PPP2R2B: variants seen among roughly 807,000 people sequenced by gnomAD.
PPP2R2B encodes protein phosphatase 2 regulatory subunit Bbeta, also known as serine/threonine-protein phosphatase 2A 55 kDa regulatory subunit B beta isoform.
Under a neutral mutation model 46.0 loss-of-function variants are expected in PPP2R2B, and 5 were observed. The observed-to-expected ratio is 0.11, with a 90% CI of 0.06 to 0.23. The LOEUF is 0.23. Ranked by LOEUF, PPP2R2B falls within the 10% of genes least tolerant of loss-of-function variation. The pLI, the probability that PPP2R2B is intolerant of heterozygous loss-of-function variation, is 1.00. For missense variants in PPP2R2B, 367 were observed against 575.0 expected, an observed-to-expected ratio of 0.64 and a Z score of 3.70; for synonymous variants, 215 against 206.7, an observed-to-expected ratio of 1.04 and a Z score of -0.34.
intron 2 of PPP2R2B, among the ~76,000 whole-genome samples, chr5:146,825,128 A>G (rs764302101): frequency 6.6e-6 from 1 of 152,244 alleles, no homozygotes; most frequent in Admixed American, 6.5e-5. Flanking sequence ...CGTTCCTCAC[A>G]TTACAAGGTC....
At chr5:146,710,980 A>G (rs1003574850) in intron 2 of PPP2R2B, among the ~76,000 whole-genome samples, 1 of 152,236 alleles carries the variant, frequency 6.6e-6, no homozygotes, top group Non-Finnish European at 1.5e-5. Flanking sequence ...TGGCTCAGGT[A>G]TCACTTCCTT....
chr5:146,698,196 T>C (rs777987801), intron 3 of PPP2R2B, 52 bp from the exon 4 acceptor site: 1 of 1,459,538 alleles, frequency 6.9e-7, no homozygotes, highest in Admixed American at 2.4e-5. Flanking sequence ...TAGCCAACTG[T>C]AAAACTCGCC....
chr5:147,029,685 C>T (rs1755687894), intron 1 of PPP2R2B, among the ~76,000 whole-genome samples: 1 of 152,028 alleles, frequency 6.6e-6, no homozygotes, highest in Non-Finnish European at 1.5e-5. Flanking sequence ...AAAGTGAGGT[C>T]CTGATGCAAT....
intron 5 of PPP2R2B, among the ~76,000 whole-genome samples, chr5:146,665,292 A>T (rs563565756): frequency 6.6e-6 from 1 of 152,314 alleles, no homozygotes; most frequent in Admixed American, 6.5e-5. Flanking sequence ...ACCGCCACCC[A>T]TGATCTTAGC....
rs374763186 is a variant in PPP2R2B at position 146,735,668 on chromosome 5, T to C, written c.71-34526A>G. 1.3e-4 allele frequency among the ~76,000 whole-genome samples: 20 copies of C among 152,006 alleles called. 1 individual carries two copies. Among genetic ancestry groups the C allele is most frequent in the Admixed American group, 3.3e-4 (5 of 15,272 alleles). On this transcript the variant is annotated intron_variant, in intron 2 of 9. Coordinates refer to ENST00000394411, the MANE Select transcript of PPP2R2B (RefSeq NM_181675.4). ...GGACGTTGCTGGAATGGCTATGGAG[T>C]GGCCTGAGGGTAGAGTCAACGCTGA... is the stretch of plus-strand genomic sequence containing the variant.
chr5:146,826,247 A>G (rs1243901401), intron 2 of PPP2R2B, among the ~76,000 whole-genome samples: 1 of 152,196 alleles, frequency 6.6e-6, no homozygotes, highest in African/African-American at 2.4e-5. Flanking sequence ...TGGCAGAGAC[A>G]AAACTTGACA....
intron 2 of PPP2R2B, among the ~76,000 whole-genome samples, chr5:146,824,558 A>G (rs550865431): frequency 1.3e-5 from 2 of 152,292 alleles, no homozygotes; most frequent in African/African-American, 2.4e-5. Flanking sequence ...GGGGGAAAGC[A>G]TTGGGTAAGA....
rs892634407 is a variant in PPP2R2B at position 146,582,786 on chromosome 5, G to C, written c.*7161C>G. ...TGCAGTCCTCATGGAACTAAGGGTG[G>C]TTGAGAAAGCATCTCTGAGGAGGTG... On this transcript the variant is annotated 3_prime_UTR_variant, in exon 10 of 10. Coordinates refer to ENST00000394411, the MANE Select transcript of PPP2R2B (RefSeq NM_181675.4). The C allele has an allele frequency of 2.6e-5, 4 of 152,206 alleles. No homozygotes were observed. Among genetic ancestry groups the C allele is most frequent in the African/African-American group, 9.6e-5 (4 of 41,462 alleles). 9.4% of individuals were successfully genotyped at this position (152,206 alleles called of 1,614,324 possible). A position where few individuals can be genotyped will look rare whatever the true frequency, so the allele number is the denominator to read the frequency against.
In PPP2R2B at chr5:147,019,332, G is replaced by T. The variant is rs1755152120; in HGVS notation, c.79+36333C>A. 1.3e-5 allele frequency among the ~76,000 whole-genome samples: 2 copies of T among 152,152 alleles called. 1 individual carries two copies. Among genetic ancestry groups the T allele is most frequent in the South Asian group, 4.1e-4 (2 of 4,832 alleles). On this transcript the variant is annotated intron_variant, in intron 1 of 8. Coordinates refer to the PPP2R2B transcript ENST00000336640. ...AAGAAAAGCAAATTAAAATAGAAAA[G>T]ATTCAGAATAAATTGTTACTTGGAA...
At chr5:146,734,048 T>C (rs1244054694) in intron 2 of PPP2R2B, among the ~76,000 whole-genome samples, 1 of 145,162 alleles carries the variant, frequency 6.9e-6, no homozygotes, top group Non-Finnish European at 1.5e-5. Flanking sequence ...GAAGATAAAA[T>C]GAGTTAGGTT....
chr5:146,884,243 G>T (rs1441707303), intron 1 of PPP2R2B, among the ~76,000 whole-genome samples: 1 of 151,898 alleles, frequency 6.6e-6, no homozygotes, highest in East Asian at 1.9e-4. Flanking sequence ...CCCAAGTTAT[G>T]TCAGTTCCAG....
chr5:146,976,108 T>A (rs533278268), intron 1 of PPP2R2B, among the ~76,000 whole-genome samples: 1,350 of 130,700 alleles, frequency 0.01, 53 homozygotes, highest in African/African-American at 0.035. Flanking sequence ...TTTTAAAAAA[T>A]TTATTATTAT....
chr5:146,789,628 T>C (rs1756062912), intron 2 of PPP2R2B, among the ~76,000 whole-genome samples: 2 of 152,102 alleles, frequency 1.3e-5, no homozygotes, highest in Admixed American at 1.3e-4. Flanking sequence ...GCATGGTCCC[T>C]GCCCTCAAGG....
At chr5:146,642,979 C>A (rs1775316181) in intron 6 of PPP2R2B, among the ~76,000 whole-genome samples, 1 of 152,150 alleles carries the variant, frequency 6.6e-6, no homozygotes, top group Non-Finnish European at 1.5e-5. Context: ...ATTGATTGAG[C>A]CTGGGAGGTT....
chr5:146,886,061 G>A (rs559104898), intron 1 of PPP2R2B, among the ~76,000 whole-genome samples: 58 of 152,282 alleles, frequency 3.8e-4, no homozygotes, highest in African/African-American at 1.3e-3. Context: ...AGGGGCGGCC[G>A]GGCGCGGTGG....
At chr5:146,632,608 G>A (rs746635064) in intron 7 of PPP2R2B, among the ~76,000 whole-genome samples, 1 of 152,162 alleles carries the variant, frequency 6.6e-6, no homozygotes, top group Non-Finnish European at 1.5e-5. Flanking sequence ...CAAGACAGAG[G>A]CTAAGTAAAG....
At chr5:146,944,315 A>G (rs1226594091) in intron 1 of PPP2R2B, among the ~76,000 whole-genome samples, 1 of 152,174 alleles carries the variant, frequency 6.6e-6, no homozygotes, top group Non-Finnish European at 1.5e-5. Context: ...ATTGAAGGGA[A>G]GAGATTGAAA....
chr5:146,800,248 G>A (rs1330941954), intron 2 of PPP2R2B, among the ~76,000 whole-genome samples: 1 of 151,990 alleles, frequency 6.6e-6, no homozygotes, highest in Non-Finnish European at 1.5e-5. Context: ...TTACTGACTT[G>A]TACTGATTAC....
intron 6 of PPP2R2B, among the ~76,000 whole-genome samples, chr5:146,639,212 C>T (rs1775033858): frequency 6.6e-6 from 1 of 152,148 alleles, no homozygotes; most frequent in Admixed American, 6.5e-5. Context: ...CTTCTAGTCT[C>T]TGTAAGTTGT....
Sources: gnomAD v4.1 joint callset for allele counts (sites outside exome capture counted in the v4.1 genomes callset) on GRCh38, gnomAD v4.1.1 for gene constraint, MANE v1.5 for transcripts, NCBI Gene and HGNC (gene_info 2026-07-23, HGNC 2026-07-21) for gene names.